NEK6: variants seen among roughly 807,000 people sequenced by gnomAD.
The protein encoded by NEK6 is NIMA related kinase 6.
In NEK6, 27 loss-of-function variants were observed where a neutral mutation model predicts 43.5. The observed-to-expected ratio is 0.62, with a 90% CI of 0.46 to 0.86. The LOEUF (loss-of-function observed/expected upper bound fraction) is 0.86, where lower values mean the gene tolerates loss of function less well. NEK6 is among the 40% of genes least tolerant of loss of function. The probability of loss-of-function intolerance (pLI) is 0.00; values close to 1 mark genes in which losing one functional copy is unlikely to be tolerated. For missense variants in NEK6, 318 were observed against 414.4 expected, an observed-to-expected ratio of 0.77 and a Z score of 2.02; for synonymous variants, 167 against 164.1, an observed-to-expected ratio of 1.02 and a Z score of -0.14.
At position 124,294,491 on chromosome 9, in the gene NEK6, C is replaced by CAA. The variant is rs11315005; in HGVS notation, c.-29-7431_-29-7430dup. Among the ~76,000 whole-genome samples, 10 of 133,016 alleles carry CAA rather than the reference C, an allele frequency of 7.5e-5. No homozygotes were observed. The East Asian group carries it at 9.0e-4, about 12-fold the overall frequency. 87.3% of individuals were successfully genotyped at this position (133,016 alleles called of 152,430 possible). On this transcript the variant is annotated intron_variant, in intron 1 of 9. Coordinates refer to ENST00000320246, the MANE Select transcript of NEK6 (RefSeq NM_014397.6). ...TGGGCGACAAAGCAAGACTCCATCT[C>CAA]AAAAAAAAAAAAAAAGTGCCGAGAT...
At chr9:124,290,217 C>G (rs1484681836) in intron 1 of NEK6, among the ~76,000 whole-genome samples, 5 of 152,202 alleles carry the variant, frequency 3.3e-5, no homozygotes, top group Non-Finnish European at 1.5e-5. Flanking sequence ...CCTGGCCTGG[C>G]CTATCTGGAG....
chr9:124,313,798 G>GA (rs139870057), intron 3 of NEK6, 125 bp from the exon 4 acceptor site: 24,669 of 868,496 alleles, frequency 0.028, 592 homozygotes, highest in African/African-American at 0.094. Context: ...AGTGCAGGGG[G>GA]GGGTCACAGA....
Position 124,312,576 on chromosome 9 carries a change from G to A in NEK6, c.158G>A (p.Arg53Gln), listed in dbSNP as rs1833591070. ...ADFQIEKKIG[R>Q]GQFSEVYKAT... is the part of the protein sequence containing the mutation. ...TTCCAGATCGAAAAGAAGATAGGCCGAGGACAGTTCAGCGAGGTGTACAAG... is the reference window on the plus strand; with the variant it reads ...TTCCAGATCGAAAAGAAGATAGGCCAAGGACAGTTCAGCGAGGTGTACAAG... The change falls in exon 3 of 10, where the codon CGA (arginine) becomes CAA (glutamine). Residue 53 changes from arginine to glutamine, a missense_variant. Physicochemically the swap from Arg to Gln is conservative, Grantham distance 43 (BLOSUM62 1). Coordinates refer to ENST00000320246, the MANE Select transcript of NEK6 (RefSeq NM_014397.6). 1.2e-5 allele frequency: 19 copies of A among 1,614,180 alleles called. No homozygotes were observed. The highest frequency in any genetic ancestry group is 1.6e-5 in the Non-Finnish European group (19 of 1,180,022).
chr9:124,312,491 C>T lies in NEK6; in HGVS notation c.91-18C>T, dbSNP rs575505766. The T allele has an allele frequency of 6.2e-7, 1 of 1,610,008 alleles. No homozygotes were observed. The highest frequency in any genetic ancestry group is 2.2e-5 in the East Asian group (1 of 44,762). ...TGCAGCCTGGCTGCTCACGGAGGCC[C>T]TCTGTCCCCCGTTCCAGAGGCATCC... On this transcript the variant is annotated intron_variant, in intron 2 of 9. Coordinates refer to ENST00000320246, the MANE Select transcript of NEK6 (RefSeq NM_014397.6).
At chr9:124,258,857 C>A (rs888308070) in intron 1 of NEK6, among the ~76,000 whole-genome samples, 13 of 152,238 alleles carry the variant, frequency 8.5e-5, no homozygotes, top group Non-Finnish European at 1.9e-4. Flanking sequence ...GCTGGGCGAG[C>A]GGAGGCTGTG....
At chr9:124,347,404 G>A (rs1194921079) in intron 8 of NEK6, among the ~76,000 whole-genome samples, 6 of 152,270 alleles carry the variant, frequency 3.9e-5, no homozygotes, top group Non-Finnish European at 4.4e-5. Context: ...GGTCCCCCGG[G>A]CTGAGGTGGG....
At chr9:124,269,266 A>G (rs1487447242) in intron 1 of NEK6, among the ~76,000 whole-genome samples, 1 of 152,034 alleles carries the variant, frequency 6.6e-6, no homozygotes, top group Non-Finnish European at 1.5e-5. Flanking sequence ...GGCTGACCCC[A>G]TTCTGCATTC....
At chr9:124,296,783 A>G (rs1832710209) in intron 1 of NEK6, among the ~76,000 whole-genome samples, 1 of 152,188 alleles carries the variant, frequency 6.6e-6, no homozygotes, top group Non-Finnish European at 1.5e-5. Context: ...ACCAGTCTCC[A>G]TGAAGTGTGG....
chr9:124,261,680 T>C (rs1831036053), intron 1 of NEK6: 2 of 767,846 alleles, frequency 2.6e-6, no homozygotes, highest in East Asian at 1.3e-4. Context: ...GTGCTTGAAA[T>C]GAATGTTGTG....
At chr9:124,338,206 C>T (rs1459887642) in intron 7 of NEK6, among the ~76,000 whole-genome samples, 2 of 152,196 alleles carry the variant, frequency 1.3e-5, no homozygotes, top group Admixed American at 6.5e-5. Flanking sequence ...GTCTCAAACT[C>T]CTGACCTCAG....
intron 1 of NEK6, among the ~76,000 whole-genome samples, chr9:124,259,035 GATTT>G (rs1055760014): frequency 6.6e-6 from 1 of 152,214 alleles, no homozygotes; most frequent in Non-Finnish European, 1.5e-5. Context: ...CGGATCTTTT[GATTT>G]ATTTATACCT....
Position 124,351,596 on chromosome 9 carries a change from CTT to C in NEK6, c.*650_*651del, listed in dbSNP as rs1414320569. The C allele has an allele frequency of 2.6e-5, 4 of 152,330 alleles. No individual in the cohort carries two copies. Among genetic ancestry groups the C allele is most frequent in the Admixed American group, 2.0e-4 (3 of 15,290 alleles). The allele number at this position is 152,330 out of a possible 1,614,324, so 9.4% of individuals were successfully genotyped here. A position where few individuals can be genotyped will look rare whatever the true frequency, so the allele number is the denominator to read the frequency against. On this transcript the variant is annotated 3_prime_UTR_variant, in exon 10 of 10. Transcript: ENST00000320246. Reference sequence around the variant, plus strand: ...CTTCTTGGCAGCCAGGCTGGGCCATCTTCTCCTGGACACCTGCTGTGTACCAG... The same window carrying C: ...CTTCTTGGCAGCCAGGCTGGGCCATCCTCCTGGACACCTGCTGTGTACCAG...
At chr9:124,325,811 C>T (rs1388876168) in intron 5 of NEK6, among the ~76,000 whole-genome samples, 7 of 152,332 alleles carry the variant, frequency 4.6e-5, no homozygotes, top group Non-Finnish European at 5.9e-5. Flanking sequence ...GTTCTCGCCG[C>T]GTTTGTTAAG....
intron 4 of NEK6, among the ~76,000 whole-genome samples, chr9:124,314,501 T>G (rs1833718431): frequency 6.6e-6 from 1 of 151,610 alleles, no homozygotes; most frequent in Admixed American, 6.6e-5. Flanking sequence ...GTGGTGGGTT[T>G]TTTTTTTATT....
chr9:124,348,998 C>A (rs528605183), intron 9 of NEK6, among the ~76,000 whole-genome samples: 1 of 152,370 alleles, frequency 6.6e-6, no homozygotes, highest in South Asian at 2.1e-4. Context: ...TGGGGTGAGG[C>A]TCTGGAAGGA....
intron 8 of NEK6, among the ~76,000 whole-genome samples, chr9:124,342,048 C>T (rs1398268349): frequency 6.6e-6 from 1 of 152,144 alleles, no homozygotes; most frequent in Admixed American, 6.5e-5. Flanking sequence ...CTCCAGGACT[C>T]CTCTAAATCC....
At chr9:124,305,584 A>G (rs549785021) in intron 2 of NEK6, among the ~76,000 whole-genome samples, 181 of 152,104 alleles carry the variant, frequency 1.2e-3, no homozygotes, top group Non-Finnish European at 1.6e-3. Context: ...AAGAAAAGAA[A>G]TTCAGTGTCT....
chr9:124,324,317 A>G lies in NEK6; in HGVS notation c.406-2013A>G, dbSNP rs1359880335. 6.6e-6 allele frequency among the ~76,000 whole-genome samples: 1 copy of G among 152,150 alleles called. No individual in the cohort carries two copies. Among genetic ancestry groups the G allele is most frequent in the East Asian group, 1.9e-4 (1 of 5,180 alleles). The stretch of plus-strand genomic sequence containing the variant: ...TTTCCAGAGGAACAGGGGATACCCC[A>G]TGGTCGCCCCACTGGCCTCAGAGGC... On this transcript the variant is annotated intron_variant, in intron 5 of 9. Transcript: ENST00000320246. The surrounding 1 kb of genome is among the most constrained non-coding windows in gnomAD (Gnocchi z 5.3).
Position 124,343,591 on chromosome 9 carries a change from G to A in NEK6, c.717+3926G>A, listed in dbSNP as rs184558765. ...GAAGCAGGCGTTTCCCCAGCAGACA[G>A]GGAGGAGAGCCACATCTGAGCCCAC... is the stretch of plus-strand genomic sequence containing the variant. On this transcript the variant is annotated intron_variant, in intron 8 of 9. Coordinates refer to ENST00000320246, the MANE Select transcript of NEK6 (RefSeq NM_014397.6). This position sits in a 1 kb window ranked among gnomAD's most constrained non-coding sequence, Gnocchi z 5.1. Among the ~76,000 whole-genome samples the A allele has an allele frequency of 1.6e-3, 247 of 152,278 alleles. 1 individual carries two copies. Among genetic ancestry groups the A allele is most frequent in the Admixed American group, 8.6e-3 (132 of 15,308 alleles).
Sources: allele counts gnomAD v4.1 joint callset (sites outside exome capture counted in the v4.1 genomes callset), GRCh38; gene constraint gnomAD v4.1.1; non-coding constraint Gnocchi (gnomAD v3.1); transcripts MANE v1.5; gene names NCBI Gene and HGNC (gene_info 2026-07-23, HGNC 2026-07-21).